The following TBL1X variants were observed in gnomAD, a reference collection of about 807,000 sequenced individuals.
TBL1X encodes the protein transducin beta like 1 X-linked.
Under a neutral mutation model 50.7 loss-of-function variants are expected in TBL1X, and 10 were observed. That is an observed-to-expected ratio of 0.20 (90% CI 0.12 to 0.33). The LOEUF (loss-of-function observed/expected upper bound fraction) is 0.33, where lower values mean the gene tolerates loss of function less well. TBL1X is among the 10% of genes least tolerant of loss of function. The pLI, the probability that TBL1X is intolerant of heterozygous loss-of-function variation, is 1.00. For missense variants in TBL1X, 340 were observed against 504.4 expected (o/e 0.67, Z 3.12); for synonymous variants, 190 against 214.7 (o/e 0.88, Z 1.01).
At chrX:9,637,543 A>C (rs2082754100) in intron 2 of TBL1X, 1 of 111,975 alleles carries the variant, frequency 8.9e-6, no homozygotes, top group Non-Finnish European at 1.9e-5. Context: ...TTGAAGAAGA[A>C]AGGACTCTTC....
intron 2 of TBL1X, among the ~76,000 whole-genome samples, chrX:9,616,748 C>T (rs1173223075): frequency 8.9e-6 from 1 of 111,875 alleles, no homozygotes; most frequent in Non-Finnish European, 1.9e-5. Flanking sequence ...TGTTGCTTTC[C>T]AGGGAGCTTT....
At position 9,717,482 on chromosome X, in the gene TBL1X, G is replaced by GA. The variant is rs1173123329; in HGVS notation, c.*1237dup. ...CGAGATTGCTCTGCAGCCAGTGAGG[G>GA]AGGTCCCCGCCATGCCGGCTGGAAG... is the stretch of plus-strand genomic sequence containing the variant. On this transcript the variant is annotated 3_prime_UTR_variant, in exon 18 of 18. Transcript: ENST00000645353. 8.9e-6 allele frequency: 1 copy of GA among 112,174 alleles called. No homozygotes were observed. The highest frequency in any genetic ancestry group is 1.9e-5 in the Non-Finnish European group (1 of 53,222). 9.2% of individuals were successfully genotyped at this position (112,174 alleles called of 1,213,427 possible).
chrX:9,507,148 G>A (rs909471633), intron 2 of TBL1X, among the ~76,000 whole-genome samples: 2 of 112,206 alleles, frequency 1.8e-5, no homozygotes, highest in Non-Finnish European at 3.8e-5. Context: ...AGGAAGTCAA[G>A]TTGTCTCTGT....
intron 12 of TBL1X, among the ~76,000 whole-genome samples, chrX:9,704,655 C>T (rs947301767): frequency 4.6e-5 from 5 of 109,719 alleles, no homozygotes; most frequent in Admixed American, 1.9e-4. Context: ...GAGGCCGAGG[C>T]GGGTAGATAG....
At chrX:9,694,062 C>G (rs899699806) in intron 11 of TBL1X, among the ~76,000 whole-genome samples, 4 of 110,991 alleles carry the variant, frequency 3.6e-5, no homozygotes, top group African/African-American at 1.3e-4. Context: ...GGGCCCGAGT[C>G]TGATCCAGCC....
rs140119903 is a variant in TBL1X, at chrX:9,594,682, G to C, written c.-130-45591G>C. On this transcript the variant is annotated intron_variant, in intron 2 of 17. Transcript: ENST00000645353. ...CATTGCATTGCATTCTATAAGATGA[G>C]AGCTTCTACAAGAAAAAATTCTGGA... is the stretch of plus-strand genomic sequence containing the variant. Among the ~76,000 whole-genome samples, 23 of 112,077 alleles carry C rather than the reference G, an allele frequency of 2.1e-4. No homozygotes were observed. In the East Asian group the frequency reaches 5.9e-3, roughly 29 times the overall value.
At chrX:9,509,113 T>G (rs184116182) in intron 2 of TBL1X, among the ~76,000 whole-genome samples, 6 of 106,226 alleles carry the variant, frequency 5.6e-5, no homozygotes, top group Non-Finnish European at 9.7e-5. Flanking sequence ...AAAAGCCGGG[T>G]GCGGTGGCTC....
chrX:9,478,754 T>C (rs941747641), intron 1 of TBL1X, among the ~76,000 whole-genome samples: 1 of 112,222 alleles, frequency 8.9e-6, no homozygotes, highest in African/African-American at 3.2e-5. Flanking sequence ...TTTTGAGATA[T>C]CTTTTCAGGT....
At chrX:9,619,172 C>T (rs960643251) in intron 2 of TBL1X, among the ~76,000 whole-genome samples, 1 of 112,422 alleles carries the variant, frequency 8.9e-6, no homozygotes, top group Non-Finnish European at 1.9e-5. Context: ...ACAAATATAA[C>T]TTGAGTTTTC....
chrX:9,546,773 T>TAA (rs1415419311), intron 2 of TBL1X, among the ~76,000 whole-genome samples: 5 of 108,511 alleles, frequency 4.6e-5, no homozygotes, highest in Admixed American at 3.0e-4. Context: ...TTTTGACCTT[T>TAA]AAAAATCACT....
At chrX:9,689,027 C>T (rs1032149076) in intron 7 of TBL1X, among the ~76,000 whole-genome samples, 6 of 113,323 alleles carry the variant, frequency 5.3e-5, no homozygotes, top group Non-Finnish European at 9.4e-5. Context: ...TGCGTGTGTG[C>T]GTGTGTGCGT....
chrX:9,509,259 C>T (rs1484385858), intron 2 of TBL1X, among the ~76,000 whole-genome samples: 2 of 98,730 alleles, frequency 2.0e-5, no homozygotes, highest in Non-Finnish European at 4.0e-5. Context: ...GGCGTGGTGG[C>T]GGGCACCTGT....
intron 3 of TBL1X, among the ~76,000 whole-genome samples, chrX:9,653,026 G>GT (rs1329234637): frequency 1.8e-5 from 2 of 111,191 alleles, no homozygotes; most frequent in African/African-American, 6.5e-5. Flanking sequence ...TTAGCCGGGC[G>GT]TATTGGCGGG....
At chrX:9,475,790 T>G (rs2081846129) in intron 1 of TBL1X, among the ~76,000 whole-genome samples, 1 of 111,795 alleles carries the variant, frequency 8.9e-6, no homozygotes, top group Non-Finnish European at 1.9e-5. Context: ...GTTTTTAGTT[T>G]GTTTAACTTG....
At chrX:9,703,744 C>G (rs1031462575) in intron 12 of TBL1X, among the ~76,000 whole-genome samples, 1 of 112,208 alleles carries the variant, frequency 8.9e-6, no homozygotes, top group Non-Finnish European at 1.9e-5. Flanking sequence ...CTCTCTCCCC[C>G]TTGTCTGGGG....
At chrX:9,486,952 G>A (rs1375193388) in intron 1 of TBL1X, among the ~76,000 whole-genome samples, 3 of 111,698 alleles carry the variant, frequency 2.7e-5, no homozygotes, top group South Asian at 3.7e-4. Context: ...TCCGGTCACC[G>A]CTTCTTATCT....
intron 2 of TBL1X, among the ~76,000 whole-genome samples, chrX:9,549,158 C>G (rs1009411038): frequency 8.9e-6 from 1 of 112,395 alleles, no homozygotes; most frequent in Admixed American, 9.4e-5. Context: ...TCTCTGTTGT[C>G]TTTGCCTGTT....
At chrX:9,505,133 A>G (rs1285926696) in intron 2 of TBL1X, among the ~76,000 whole-genome samples, 2 of 112,243 alleles carry the variant, frequency 1.8e-5, no homozygotes, top group African/African-American at 6.5e-5. Flanking sequence ...TCTACAAGCC[A>G]GAAGAGATTG....
chrX:9,608,600 C>G (rs896832754), intron 2 of TBL1X, among the ~76,000 whole-genome samples: 10 of 111,837 alleles, frequency 8.9e-5, no homozygotes, highest in Non-Finnish European at 1.9e-4. Flanking sequence ...TAGAATCTAT[C>G]TAGGATTTTA....
Sources: gnomAD v4.1 joint callset for allele counts (sites outside exome capture counted in the v4.1 genomes callset) on GRCh38, gnomAD v4.1.1 for gene constraint, MANE v1.5 for transcripts, NCBI Gene and HGNC (gene_info 2026-07-23, HGNC 2026-07-21) for gene names.